The following CHST9 variants were observed in gnomAD, a reference collection of about 807,000 sequenced individuals.
CHST9 encodes the protein GalNAc-4-sulfotransferase 2.
Under a neutral mutation model 44.4 loss-of-function variants are expected in CHST9, and 41 were observed. The observed-to-expected ratio is 0.92, with a 90% CI of 0.72 to 1.20. CHST9 has a LOEUF of 1.20. Ranked by LOEUF, CHST9 falls within the 50% of genes most tolerant of loss-of-function variation. The pLI is 0.00. For missense variants in CHST9, 504 were observed against 516.5 expected (o/e 0.98, Z 0.23); for synonymous variants, 171 against 178.4 (o/e 0.96, Z 0.33).
intron 4 of CHST9, among the ~76,000 whole-genome samples, chr18:26,951,066 A>G (rs1256063074): frequency 3.3e-5 from 5 of 152,216 alleles, no homozygotes; most frequent in African/African-American, 7.2e-5. Flanking sequence ...TCTTCACAAA[A>G]CAAAGCAGAA....
chr18:27,008,981 C>T (rs967703441), intron 4 of CHST9, among the ~76,000 whole-genome samples: 3 of 151,744 alleles, frequency 2.0e-5, no homozygotes, highest in Non-Finnish European at 2.9e-5. Context: ...GAATCACTTG[C>T]GAGTGCTCTC....
chr18:27,139,608 A>T (rs1426381249), intron 2 of CHST9, among the ~76,000 whole-genome samples: 1 of 152,118 alleles, frequency 6.6e-6, no homozygotes, highest in African/African-American at 2.4e-5. Flanking sequence ...AAGTCTTCTT[A>T]AAGAATATTA....
chr18:27,104,684 G>C (rs369920321), intron 2 of CHST9, among the ~76,000 whole-genome samples: 1 of 152,204 alleles, frequency 6.6e-6, no homozygotes, highest in East Asian at 1.9e-4. Flanking sequence ...TGATGGTGCT[G>C]TTGAGATATG....
At position 27,059,681 on chromosome 18, in the gene CHST9, T is replaced by C. The variant is rs549796060; in HGVS notation, c.122-11178A>G. On this transcript the variant is annotated intron_variant, in intron 2 of 5. Coordinates refer to ENST00000618847, the MANE Select transcript of CHST9 (RefSeq NM_031422.6). Reference sequence around the variant, plus strand: ...TTGCTCTTTTTCCCCACACTCTTAATCATCATCTCATTAGCTTGTGGAGAA... The same window carrying C: ...TTGCTCTTTTTCCCCACACTCTTAACCATCATCTCATTAGCTTGTGGAGAA... 2.0e-5 allele frequency among the ~76,000 whole-genome samples: 3 copies of C among 152,302 alleles called. No homozygotes were observed. The South Asian group carries it at 6.2e-4, about 32-fold the overall frequency.
chr18:27,129,244 A>T (rs891453902), intron 2 of CHST9, among the ~76,000 whole-genome samples: 5 of 152,174 alleles, frequency 3.3e-5, no homozygotes, highest in Non-Finnish European at 7.4e-5. Context: ...TTCTTCTTTC[A>T]TTTAAAAATG....
intron 2 of CHST9, among the ~76,000 whole-genome samples, chr18:27,051,052 T>G (rs1247736269): frequency 6.6e-6 from 1 of 152,202 alleles, no homozygotes; most frequent in Non-Finnish European, 1.5e-5. Flanking sequence ...CTGAATTAGA[T>G]TGACTGTGTA....
chr18:26,906,967 C>A lies in CHST9; in HGVS notation c.*9292G>T, dbSNP rs2055379466. ...GAGGCAGAAAATGGCCAGAAATATGCCTGGAGAAGAATTGGGATCATGCAG... is the reference window on the plus strand; with the variant it reads ...GAGGCAGAAAATGGCCAGAAATATGACTGGAGAAGAATTGGGATCATGCAG... On this transcript the variant is annotated 3_prime_UTR_variant, in exon 6 of 6. Coordinates refer to ENST00000618847, the MANE Select transcript of CHST9 (RefSeq NM_031422.6). 6.6e-6 allele frequency: 1 copy of A among 152,090 alleles called. No individual in the cohort carries two copies. The highest frequency in any genetic ancestry group is 1.5e-5 in the Non-Finnish European group (1 of 68,098). The allele number at this position is 152,090 out of a possible 1,614,324, so 9.4% of individuals were successfully genotyped here.
At chr18:26,942,077 T>C (rs2056091743) in intron 5 of CHST9, among the ~76,000 whole-genome samples, 1 of 152,132 alleles carries the variant, frequency 6.6e-6, no homozygotes, top group Non-Finnish European at 1.5e-5. Context: ...CCTTTTTTTT[T>C]TGATAAAAAA....
At chr18:27,173,094 A>G (rs1473781906) in intron 1 of CHST9, among the ~76,000 whole-genome samples, 4 of 152,046 alleles carry the variant, frequency 2.6e-5, no homozygotes, top group African/African-American at 7.2e-5. Context: ...GAAGAAATAA[A>G]TTTTTATTTA....
At chr18:26,975,929 T>C (rs544320182) in intron 4 of CHST9, among the ~76,000 whole-genome samples, 195 of 151,476 alleles carry the variant, frequency 1.3e-3, no homozygotes, top group Non-Finnish European at 2.0e-3. Flanking sequence ...CCCACATACT[T>C]CTGTTATTGG....
chr18:27,030,661 C>A (rs904348874), intron 3 of CHST9, among the ~76,000 whole-genome samples: 19 of 152,262 alleles, frequency 1.2e-4, no homozygotes, highest in African/African-American at 3.9e-4. Flanking sequence ...GAGAATCCAG[C>A]ACTTTAGAGC....
At chr18:27,010,365 G>C (rs1247565591) in intron 4 of CHST9, among the ~76,000 whole-genome samples, 1 of 152,078 alleles carries the variant, frequency 6.6e-6, no homozygotes, top group Non-Finnish European at 1.5e-5. Flanking sequence ...CTTGTCTACT[G>C]TAAGTCATTG....
intron 2 of CHST9, among the ~76,000 whole-genome samples, chr18:27,126,790 G>C (rs772404344): frequency 1.2e-4 from 19 of 152,118 alleles, no homozygotes; most frequent in Non-Finnish European, 2.4e-4. Flanking sequence ...ATGGGATGGT[G>C]ACAGGGCAAG....
chr18:27,065,444 T>A (rs1157564343), intron 2 of CHST9, among the ~76,000 whole-genome samples: 1 of 152,170 alleles, frequency 6.6e-6, no homozygotes, highest in Non-Finnish European at 1.5e-5. Context: ...AGAAAAAAAA[T>A]AATTCTTTAG....
intron 5 of CHST9, among the ~76,000 whole-genome samples, chr18:26,943,162 A>G (rs1454932369): frequency 6.6e-6 from 1 of 152,216 alleles, no homozygotes; most frequent in Non-Finnish European, 1.5e-5. Context: ...GAAATGGCCA[A>G]ATGATTTTGC....
rs557520204 is a variant in CHST9 at position 27,062,169 on chromosome 18, T to A, written c.122-13666A>T. On this transcript the variant is annotated intron_variant, in intron 2 of 5. Transcript: ENST00000618847. ...ACTGTTGTTTGGTCAATTCTTTTTTTTTATTATTATACTTTAAGTTCTAGG... is the reference window on the plus strand; with the variant it reads ...ACTGTTGTTTGGTCAATTCTTTTTTATTATTATTATACTTTAAGTTCTAGG... Among the ~76,000 whole-genome samples the A allele has an allele frequency of 5.9e-5, 9 of 152,290 alleles. No individual in the cohort carries two copies. In the South Asian group the frequency reaches 6.2e-4, roughly 11 times the overall value.
At chr18:27,056,922 A>C (rs767415208) in intron 2 of CHST9, among the ~76,000 whole-genome samples, 1 of 152,188 alleles carries the variant, frequency 6.6e-6, no homozygotes, top group African/African-American at 2.4e-5. Flanking sequence ...TCAAATACAA[A>C]TTAGTTTGAT....
chr18:26,931,027 A>G (rs1029088609), intron 5 of CHST9, among the ~76,000 whole-genome samples: 12 of 152,138 alleles, frequency 7.9e-5, no homozygotes, highest in African/African-American at 2.9e-4. Flanking sequence ...GGGAACAGCA[A>G]TGCTAACCAC....
intron 2 of CHST9, among the ~76,000 whole-genome samples, chr18:27,071,218 C>T (rs1306528386): frequency 6.6e-5 from 10 of 152,134 alleles, no homozygotes. Flanking sequence ...CTAACTGGAT[C>T]CTGATCTTCT....
Sources: gnomAD v4.1 joint callset for allele counts (sites outside exome capture counted in the v4.1 genomes callset) on GRCh38, gnomAD v4.1.1 for gene constraint, MANE v1.5 for transcripts, NCBI Gene and HGNC (gene_info 2026-07-23, HGNC 2026-07-21) for gene names.